MYO18B: variants seen among roughly 807,000 people sequenced by gnomAD.
MYO18B encodes the protein unconventional myosin-XVIIIb.
A neutral mutation model predicts 273.0 loss-of-function variants in MYO18B; 204 were observed. The ratio of observed to expected loss-of-function variants is 0.75; its 90% CI spans 0.67 to 0.84. The LOEUF is 0.84. MYO18B is among the 40% of genes least tolerant of loss of function. MYO18B has a pLI of 0.00. For missense variants in MYO18B, 3,212 were observed against 3,287.6 expected, an observed-to-expected ratio of 0.98 and a Z score of 0.56; for synonymous variants, 1,330 against 1,305.7, an observed-to-expected ratio of 1.02 and a Z score of -0.40.
rs529658501 is a variant in MYO18B, at chr22:26,010,142, A to G, written c.6470+5287A>G. Among the ~76,000 whole-genome samples, 5 of 151,742 alleles carry G rather than the reference A, an allele frequency of 3.3e-5. No homozygotes were observed. The South Asian group carries it at 1.0e-3, about 32-fold the overall frequency. On this transcript the variant is annotated intron_variant, in intron 42 of 43. Coordinates refer to ENST00000335473, the MANE Select transcript of MYO18B (RefSeq NM_032608.7). Reference sequence around the variant, plus strand: ...AACGAATCCGTAAGTCTTGTATTCTACCCCCCACCCAAACAAATACTCTTT... The same window carrying G: ...AACGAATCCGTAAGTCTTGTATTCTGCCCCCCACCCAAACAAATACTCTTT...
chr22:25,968,541 C>G (rs993171738), intron 39 of MYO18B, among the ~76,000 whole-genome samples: 1 of 152,028 alleles, frequency 6.6e-6, no homozygotes, highest in Non-Finnish European at 1.5e-5. Context: ...TGACTTTTTC[C>G]TCCTCCTTTT....
downstream of MYO18B, among the ~76,000 whole-genome samples, chr22:26,032,976 A>G (rs1936700885): frequency 6.6e-6 from 1 of 152,150 alleles, no homozygotes; most frequent in Non-Finnish European, 1.5e-5. Context: ...ATTCATACAG[A>G]ATAATTTTCA....
chr22:25,847,944 CACAT>C (rs1053458151), intron 20 of MYO18B, among the ~76,000 whole-genome samples: 24 of 109,454 alleles, frequency 2.2e-4, no homozygotes, highest in Admixed American at 1.7e-3. Flanking sequence ...AAAACACACA[CACAT>C]ACACACACAC....
chr22:26,053,788 G>A, the MYO18B span, among the ~76,000 whole-genome samples: 1 of 152,146 alleles, frequency 6.6e-6, no homozygotes, highest in Non-Finnish European at 1.5e-5. Context: ...GCCAAGAGAT[G>A]AGACCACAGA....
the MYO18B span, among the ~76,000 whole-genome samples, chr22:26,044,445 T>C: frequency 5.3e-5 from 8 of 152,270 alleles, no homozygotes; most frequent in Non-Finnish European, 8.8e-5. Context: ...TCTTCCAGCA[T>C]CTTTTCTGTT....
chr22:25,961,318 T>A (rs963669343), intron 39 of MYO18B, among the ~76,000 whole-genome samples: 3 of 152,174 alleles, frequency 2.0e-5, no homozygotes, highest in African/African-American at 7.2e-5. Context: ...CTGCTTCCTA[T>A]GGCCTACAAG....
chr22:26,059,351 G>A, the MYO18B span, among the ~76,000 whole-genome samples: 1 of 152,224 alleles, frequency 6.6e-6, no homozygotes, highest in Non-Finnish European at 1.5e-5. Flanking sequence ...ATGAGACGGA[G>A]ATTGTGTGAG....
intron 33 of MYO18B, among the ~76,000 whole-genome samples, chr22:25,919,674 G>A (rs2092312958): frequency 8.0e-6 from 1 of 124,692 alleles, no homozygotes; most frequent in East Asian, 2.2e-4. Context: ...GATTGTGTGT[G>A]TGTATGTGTG....
rs572278764 is a variant in MYO18B, at chr22:26,022,863, C to T, written c.6471-3582C>T. On this transcript the variant is annotated intron_variant, in intron 42 of 43. Coordinates refer to ENST00000335473, the MANE Select transcript of MYO18B (RefSeq NM_032608.7). ...AGGGCCCCAGGGAAGGCGAGTGGAT[C>T]TTGCCCTGTGCCAGCATAGCTGGGA... Among the ~76,000 whole-genome samples the T allele has an allele frequency of 9.8e-5, 15 of 152,350 alleles. No individual in the cohort carries two copies. In the South Asian group the frequency reaches 3.1e-3, roughly 32 times the overall value.
rs1936617836 is a variant in MYO18B at position 26,030,585 on chromosome 22, G to C, written c.*155G>C. ...ATGAGCCCACAGAGGCATATCCTGC[G>C]GGGATGCTGGGCTCCCAGTGTGGTT... On this transcript the variant is annotated 3_prime_UTR_variant, in exon 44 of 44. Coordinates refer to ENST00000335473, the MANE Select transcript of MYO18B (RefSeq NM_032608.7). 4.6e-6 allele frequency: 1 copy of C among 217,808 alleles called. No homozygotes were observed. The highest frequency in any genetic ancestry group is 1.8e-4 in the South Asian group (1 of 5,408). 13.5% of individuals were successfully genotyped at this position (217,808 alleles called of 1,614,324 possible). A position where few individuals can be genotyped will look rare whatever the true frequency, so the allele number is the denominator to read the frequency against.
At chr22:25,926,999 C>T (rs2092430864) in intron 34 of MYO18B, among the ~76,000 whole-genome samples, 1 of 152,228 alleles carries the variant, frequency 6.6e-6, no homozygotes, top group African/African-American at 2.4e-5. Context: ...CTTCCCCAGT[C>T]AGTACCCTTG....
chr22:25,975,464 T>C (rs531834835), intron 39 of MYO18B, among the ~76,000 whole-genome samples: 3 of 152,354 alleles, frequency 2.0e-5, no homozygotes, highest in African/African-American at 7.2e-5. Context: ...ATGTCTACTA[T>C]GTGACAGGCA....
chr22:25,982,029 C>T (rs544860381), intron 39 of MYO18B, among the ~76,000 whole-genome samples: 5 of 152,212 alleles, frequency 3.3e-5, no homozygotes, highest in South Asian at 2.1e-4. Context: ...GGGAAGCAGG[C>T]GGTCCCTACA....
intron 34 of MYO18B, among the ~76,000 whole-genome samples, chr22:25,921,810 G>A (rs559651345): frequency 1.4e-5 from 2 of 138,594 alleles, no homozygotes; most frequent in South Asian, 4.8e-4. Flanking sequence ...GAGCCAAATA[G>A]CAATAGTGTG....
intron 23 of MYO18B, among the ~76,000 whole-genome samples, chr22:25,874,715 A>G (rs140065116): frequency 6.9e-4 from 105 of 152,338 alleles, no homozygotes; most frequent in African/African-American, 2.3e-3. Context: ...CAGACAGGGC[A>G]TGACCAGGGC....
At chr22:25,837,967 G>T (rs2089956601) in intron 17 of MYO18B, among the ~76,000 whole-genome samples, 1 of 152,072 alleles carries the variant, frequency 6.6e-6, no homozygotes, top group Non-Finnish European at 1.5e-5. Flanking sequence ...TGCACAGATT[G>T]TCCCATCACT....
chr22:25,869,745 A>C (rs2285192), intron 22 of MYO18B, among the ~76,000 whole-genome samples: 33,811 of 151,544 alleles, frequency 0.22, 4,611 homozygotes, highest in East Asian at 0.44. Flanking sequence ...GTGGTCCTTT[A>C]CTCAGGGAGC....
intron 14 of MYO18B, among the ~76,000 whole-genome samples, chr22:25,827,169 G>A (rs2089525900): frequency 6.6e-6 from 1 of 152,186 alleles, no homozygotes; most frequent in South Asian, 2.1e-4. Context: ...TGCACTAATT[G>A]TGTAACCTGC....
At chr22:25,848,402 G>C (rs2090323325) in intron 20 of MYO18B, among the ~76,000 whole-genome samples, 1 of 152,200 alleles carries the variant, frequency 6.6e-6, no homozygotes, top group African/African-American at 2.4e-5. Flanking sequence ...TCTGGCAAAG[G>C]GAGGGAACAT....
Sources: gnomAD v4.1 joint callset for allele counts (sites outside exome capture counted in the v4.1 genomes callset) on GRCh38, gnomAD v4.1.1 for gene constraint, MANE v1.5 for transcripts, NCBI Gene and HGNC (gene_info 2026-07-23, HGNC 2026-07-21) for gene names.